Variants in MYO6 observed in about 807,000 individuals in gnomAD.
MYO6 encodes the protein myosin VI.
Under a neutral mutation model 178.7 loss-of-function variants are expected in MYO6, and 74 were observed. The observed-to-expected ratio is 0.41, with a 90% CI of 0.34 to 0.50. MYO6 has a LOEUF of 0.50. Ranked by LOEUF, MYO6 falls within the 20% of genes least tolerant of loss-of-function variation. The pLI is 0.09. For synonymous variants in MYO6, 477 were observed against 504.6 expected (o/e 0.95, Z 0.73); for missense variants, 1,330 against 1,547.4 (o/e 0.86, Z 2.36).
intron 11 of MYO6, among the ~76,000 whole-genome samples, chr6:75,851,009 C>T (rs1345729076): frequency 6.6e-6 from 1 of 151,686 alleles, no homozygotes; most frequent in Non-Finnish European, 1.5e-5. Flanking sequence ...TGTTAGCATA[C>T]ATTTCATTTG....
intron 1 of MYO6, among the ~76,000 whole-genome samples, chr6:75,798,084 A>G (rs1276371862): frequency 1.3e-5 from 2 of 152,138 alleles, no homozygotes; most frequent in African/African-American, 4.8e-5. Flanking sequence ...GGTATTTCCT[A>G]GGTTTTCTTC....
chr6:75,846,626 G>A (rs1285310925), intron 10 of MYO6, among the ~76,000 whole-genome samples: 4 of 151,948 alleles, frequency 2.6e-5, no homozygotes, highest in African/African-American at 9.7e-5. Context: ...ATCTTTCTTT[G>A]TCTTGATAAG....
At chr6:75,776,840 G>GT (rs997966769) in intron 1 of MYO6, among the ~76,000 whole-genome samples, 3 of 151,778 alleles carry the variant, frequency 2.0e-5, no homozygotes, top group African/African-American at 7.3e-5. Flanking sequence ...TTATTTGTTT[G>GT]TTTTTTTAAC....
intron 20 of MYO6, among the ~76,000 whole-genome samples, chr6:75,875,104 G>T (rs968125964): frequency 6.6e-6 from 1 of 152,038 alleles, no homozygotes; most frequent in Non-Finnish European, 1.5e-5. Flanking sequence ...TTTAAGTTAG[G>T]CCTCTTTTTC....
chr6:75,919,167 G>T lies in MYO6; in HGVS notation c.*4155G>T, dbSNP rs1326113737. On this transcript the variant is annotated 3_prime_UTR_variant, in exon 35 of 35. Transcript: ENST00000369977. ...GGTACAAGTGCAGTTTTGTTACATG[G>T]GTATATTGCATAGTGGTAAAATGTG... The T allele has an allele frequency of 6.6e-6, 1 of 152,136 alleles. No individual in the cohort carries two copies. The highest frequency in any genetic ancestry group is 1.5e-5 in the Non-Finnish European group (1 of 68,052). 9.4% of individuals were successfully genotyped at this position (152,136 alleles called of 1,614,324 possible). A position where few individuals can be genotyped will look rare whatever the true frequency, so the allele number is the denominator to read the frequency against.
At chr6:75,826,424 A>G (rs1283310529) in intron 3 of MYO6, among the ~76,000 whole-genome samples, 1 of 152,302 alleles carries the variant, frequency 6.6e-6, no homozygotes, top group African/African-American at 2.4e-5. Context: ...AGTAATTCCC[A>G]TGTCTGTGTA....
chr6:75,891,595 G>C (rs1002472332), intron 27 of MYO6, among the ~76,000 whole-genome samples: 1 of 151,836 alleles, frequency 6.6e-6, no homozygotes, highest in African/African-American at 2.4e-5. Flanking sequence ...TGACACCACT[G>C]CACTCCAGCC....
Position 75,890,139 on chromosome 6 carries a change from A to C in MYO6, c.2741A>C (p.Gln914Pro). ...KSSEELLSAL[Q>P]KKKQQEEEAE... ...TCAGAGGAACTCCTCAGTGCATTAC[A>C]GAAAAAAAAACAGCAGGAAGAGGAA... is the stretch of plus-strand genomic sequence containing the variant. Residue 914 changes from glutamine to proline, a missense_variant, in exon 26 of 35, where the codon CAG (glutamine) becomes CCG (proline). By Grantham distance (76) the Gln-to-Pro change is moderately conservative. Around this residue, in one of 3 missense-constraint regions of MYO6, gnomAD observed 601 missense variants for 626.1 expected, o/e 0.96. Transcript: ENST00000369977. 6.2e-7 allele frequency: 1 copy of C among 1,613,824 alleles called. No homozygotes were observed. Among genetic ancestry groups the C allele is most frequent in the Non-Finnish European group, 8.5e-7 (1 of 1,179,762 alleles).
chr6:75,887,634 C>T (rs11970578), intron 25 of MYO6, among the ~76,000 whole-genome samples: 2,077 of 45,346 alleles, frequency 0.046, 66 homozygotes, highest in African/African-American at 0.12. Context: ...AGTGAGACTC[C>T]ATCTCAAAAA....
intron 1 of MYO6, among the ~76,000 whole-genome samples, chr6:75,789,128 T>C (rs1562160700): frequency 6.6e-6 from 1 of 152,342 alleles, no homozygotes; most frequent in Non-Finnish European, 1.5e-5. Flanking sequence ...CTCAAAGTAC[T>C]TTCTGCCTTT....
chr6:75,808,757 C>T (rs1024053991), intron 1 of MYO6, among the ~76,000 whole-genome samples: 19 of 152,160 alleles, frequency 1.2e-4, no homozygotes, highest in Non-Finnish European at 1.5e-5. Context: ...GACATGTACC[C>T]AAGGTGGTCA....
rs530119291 is a variant in MYO6 at position 75,898,514 on chromosome 6, T to G, written c.3176+103T>G. ...AGAACCTGTTACATGAGTAGCCTAG[T>G]CTTTCTATGTAAAGTGATATTTCTT... On this transcript the variant is annotated intron_variant, in intron 30 of 34. Transcript: ENST00000369977. The G allele has an allele frequency of 1.2e-5, 11 of 909,754 alleles. No individual in the cohort carries two copies. The East Asian group carries it at 2.8e-4, about 23-fold the overall frequency. 56.4% of individuals were successfully genotyped at this position (909,754 alleles called of 1,614,324 possible).
At chr6:75,870,553 T>C in intron 18 of MYO6, 94 bp from the exon 19 acceptor site, 1 of 962,688 alleles carries the variant, frequency 1.0e-6, no homozygotes, top group Non-Finnish European at 1.7e-6. Context: ...TTATTGCATG[T>C]TATTTTATTC....
In MYO6 at chr6:75,911,692, A is replaced by G; in HGVS notation, c.3433A>G (p.Asn1145Asp). 6.2e-7 allele frequency: 1 copy of G among 1,612,224 alleles called. No individual in the cohort carries two copies. Among genetic ancestry groups the G allele is most frequent in the Non-Finnish European group, 8.5e-7 (1 of 1,178,544 alleles). Residue 1145 changes from asparagine (N) to aspartate (D), a missense_variant, in exon 33 of 35, where the codon AAT becomes GAT. Coordinates refer to ENST00000369977, the MANE Select transcript of MYO6 (RefSeq NM_004999.4). ...CACAGATTTTGCACCATTTTTGAAC[A>G]ATTCACGTAAGTCAATGGGTGGTAA... Reference protein sequence around the residue: ...TDYDFAPFLNNSPQQNPAAQI... With the variant: ...TDYDFAPFLNDSPQQNPAAQI...
At chr6:75,753,998 A>G (rs958568940) in intron 1 of MYO6, among the ~76,000 whole-genome samples, 1 of 152,194 alleles carries the variant, frequency 6.6e-6, no homozygotes, top group Non-Finnish European at 1.5e-5. Flanking sequence ...TAAAAAGTAA[A>G]ACCTAAAGAA....
chr6:75,753,999 A>G (rs1246426866), intron 1 of MYO6, among the ~76,000 whole-genome samples: 1 of 152,162 alleles, frequency 6.6e-6, no homozygotes, highest in Non-Finnish European at 1.5e-5. Flanking sequence ...AAAAAGTAAA[A>G]CCTAAAGAAG....
chr6:75,895,601 T>A (rs1328046817), intron 29 of MYO6, among the ~76,000 whole-genome samples: 3 of 151,350 alleles, frequency 2.0e-5, no homozygotes, highest in Admixed American at 1.3e-4. Flanking sequence ...CACCATAACC[T>A]CTGCCTCTCG....
At chr6:75,765,013 AAGAG>A (rs1381718497) in intron 1 of MYO6, among the ~76,000 whole-genome samples, 2 of 151,650 alleles carry the variant, frequency 1.3e-5, no homozygotes, top group African/African-American at 2.4e-5. Context: ...AAAAAAAAAA[AAGAG>A]AGAGAGACTT....
At chr6:75,806,142 T>TAAAAAAAGAC in intron 1 of MYO6, among the ~76,000 whole-genome samples, 1 of 152,276 alleles carries the variant, frequency 6.6e-6, no homozygotes, top group Middle Eastern at 3.4e-3. Flanking sequence ...AAAAGAGGTT[T>TAAAAAAAGAC]ATTCTAGTGA....
Sources: allele counts gnomAD v4.1 joint callset (sites outside exome capture counted in the v4.1 genomes callset), GRCh38; gene constraint gnomAD v4.1.1; regional missense constraint gnomAD v4.1.1; transcripts MANE v1.5; gene names NCBI Gene and HGNC (gene_info 2026-07-23, HGNC 2026-07-21).